The following DNAH11 variants were observed in gnomAD, a reference collection of about 807,000 sequenced individuals.
The protein encoded by DNAH11 is dynein axonemal heavy chain 11.
Under a neutral mutation model 526.0 loss-of-function variants are expected in DNAH11, and 442 were observed. The observed-to-expected ratio is 0.84, with a 90% CI of 0.78 to 0.91. The LOEUF is 0.91. DNAH11 is among the 40% of genes least tolerant of loss of function. The pLI is 0.00. For synonymous variants in DNAH11, 2,461 were observed against 1,935.9 expected (o/e 1.27, Z -7.12); for missense variants, 6,989 against 5,448.7 (o/e 1.28, Z -8.90).
intron 44 of DNAH11, among the ~76,000 whole-genome samples, chr7:21,722,978 C>A (rs563874548): frequency 1.3e-5 from 2 of 152,286 alleles, no homozygotes; most frequent in East Asian, 3.9e-4. Context: ...GCCTTACCCC[C>A]TAGTTATATA....
intron 8 of DNAH11, among the ~76,000 whole-genome samples, chr7:21,578,975 A>AT (rs1349286401): frequency 6.6e-6 from 1 of 152,252 alleles, no homozygotes; most frequent in East Asian, 1.9e-4. Context: ...AATCTTGCTC[A>AT]TTTTCTCACA....
intron 54 of DNAH11, among the ~76,000 whole-genome samples, chr7:21,757,432 CT>C (rs1402432963): frequency 5.3e-5 from 8 of 151,846 alleles, no homozygotes; most frequent in Non-Finnish European, 1.2e-4. Flanking sequence ...CTTTTACCTT[CT>C]TTCTTCATCT....
At chr7:21,866,092 G>A (rs113522894) in intron 70 of DNAH11, among the ~76,000 whole-genome samples, 17,234 of 152,042 alleles carry the variant, frequency 0.11, 1,798 homozygotes, top group African/African-American at 0.27. Flanking sequence ...GACTTAGAAT[G>A]CCTTAACCTC....
rs538647052 is a variant in DNAH11 at position 21,558,813 on chromosome 7, A to C, written c.507A>C (p.Pro169=). 1 of 1,581,102 alleles carries C rather than the reference A, an allele frequency of 6.3e-7. No individual in the cohort carries two copies. The highest frequency in any genetic ancestry group is 1.4e-5 in the African/African-American group (1 of 73,302). Residue 169 remains proline, a synonymous_variant, in exon 3 of 82, where the codon CCA becomes CCC. Transcript: ENST00000409508. Reference sequence around the variant, plus strand: ...TTCTCTTTCTCTAGATTTTAGTGCCAGTTCTTTCTAATAAGAACAACCATA... The same window carrying C: ...TTCTCTTTCTCTAGATTTTAGTGCCCGTTCTTTCTAATAAGAACAACCATA... The part of the protein sequence containing the change: ...VSAFLDEILV[P]VLSNKNNHKS...
chr7:21,823,329 T>G (rs1790136086), intron 65 of DNAH11, among the ~76,000 whole-genome samples: 1 of 152,170 alleles, frequency 6.6e-6, no homozygotes, highest in South Asian at 2.1e-4. Flanking sequence ...TTTTGGAAAC[T>G]ATGTTTTTCA....
intron 70 of DNAH11, among the ~76,000 whole-genome samples, chr7:21,864,963 TAAAATTTGTTTTCTTTTTAAATTTCCTTA>T (rs972273021): frequency 1.3e-5 from 2 of 152,230 alleles, no homozygotes; most frequent in Admixed American, 1.3e-4. Flanking sequence ...TCCTTAAATC[TAAAATTTGTTTTCTTTTTAAATTTCCTTA>T]AAAATTTGTT....
At chr7:21,900,257 C>CTT in intron 81 of DNAH11, 137 bp downstream of exon 81, 3 of 1,034,632 alleles carry the variant, frequency 2.9e-6, no homozygotes, top group Non-Finnish European at 3.9e-6. Flanking sequence ...ATTTCTTCCT[C>CTT]TTAAATAATT....
In DNAH11 at chr7:21,687,518, G is replaced by T; in HGVS notation, c.5915G>T (p.Arg1972Met). 6.2e-7 allele frequency: 1 copy of T among 1,613,196 alleles called. No homozygotes were observed. Residue 1972 changes from arginine to methionine, a missense_variant, in exon 34 of 82, where the codon AGG becomes ATG. Transcript: ENST00000409508. ...ATGATTCATGATGCCATCAGAAACA[G>T]GAAGAAGAGGTGAGTGGCATGCAGG... is the stretch of plus-strand genomic sequence containing the variant. ...VKMIHDAIRN[R>M]KKRFVFLGEA...
intron 54 of DNAH11, among the ~76,000 whole-genome samples, chr7:21,751,183 G>T (rs886928466): frequency 5.3e-5 from 8 of 152,064 alleles, no homozygotes; most frequent in Non-Finnish European, 8.8e-5. Flanking sequence ...AATTAGCCAG[G>T]CTTGGTGGCA....
intron 51 of DNAH11, among the ~76,000 whole-genome samples, chr7:21,747,998 T>C (rs1018623451): frequency 1.3e-5 from 2 of 152,230 alleles, no homozygotes; most frequent in African/African-American, 2.4e-5. Context: ...TTTGGACTTT[T>C]GGTGGTGACA....
Position 21,711,861 on chromosome 7 carries a change from G to A in DNAH11, c.6983+1G>A, listed in dbSNP as rs771953930. The A allele has an allele frequency of 1.6e-5, 26 of 1,606,862 alleles. No individual in the cohort carries two copies. The highest frequency in any genetic ancestry group is 4.5e-5 in the East Asian group (2 of 44,656). ...ACCCACAAGATCTGGGCTGGAATCCGTGAGTATTTCTTTTTGTTTTATTGT... is the reference window on the plus strand; with the variant it reads ...ACCCACAAGATCTGGGCTGGAATCCATGAGTATTTCTTTTTGTTTTATTGT... On this transcript the variant is annotated splice_donor_variant, in intron 42 of 81. Transcript: ENST00000409508. LOFTEE classifies it high-confidence loss of function.
At position 21,619,172 on chromosome 7, in the gene DNAH11, G is replaced by A. The variant is rs1459179955; in HGVS notation, c.4327G>A (p.Asp1443Asn). The change falls in exon 24 of 82, where the codon GAT becomes AAT. Residue 1443 changes from aspartate (D) to asparagine (N), a missense_variant. Physicochemically the swap from Asp to Asn is conservative, Grantham distance 23 (BLOSUM62 1). Transcript: ENST00000409508. ...ACTGCGGTTACACAGAGTGGAAGAT[G>A]ATGTCCGAAGGATTGTGGACAAGGC... The part of the protein sequence containing the change: ...LALRLHRVED[D>N]VRRIVDKAVK... The A allele has an allele frequency of 4.3e-6, 7 of 1,613,546 alleles. No individual in the cohort carries two copies. The East Asian group carries it at 1.6e-4, about 36-fold the overall frequency.
rs755689080 is a variant in DNAH11, at chr7:21,899,318, C to A, written c.13050-18C>A. On this transcript the variant is annotated intron_variant, in intron 79 of 81. Transcript: ENST00000409508. The stretch of plus-strand genomic sequence containing the variant: ...TTTACTGAACAGCAAGTTTTTCTTC[C>A]TCCCTCCCATAAACCAGGTTCAATG... 6.2e-6 allele frequency: 10 copies of A among 1,604,934 alleles called. No homozygotes were observed. Among genetic ancestry groups the A allele is most frequent in the Non-Finnish European group, 7.7e-6 (9 of 1,171,802 alleles).
chr7:21,653,040 C>T (rs1291925197), intron 28 of DNAH11, among the ~76,000 whole-genome samples: 1 of 152,038 alleles, frequency 6.6e-6, no homozygotes, highest in Admixed American at 6.6e-5. Flanking sequence ...CCATGCCCAG[C>T]TAATTTTGTA....
chr7:21,589,121 A>G, intron 11 of DNAH11, 87 bp from the exon 12 acceptor site: 1 of 1,024,128 alleles, frequency 9.8e-7, no homozygotes, highest in Non-Finnish European at 1.4e-6. Context: ...AGTGTATTAT[A>G]TTTTATATAT....
At chr7:21,751,620 A>T (rs928314748) in intron 54 of DNAH11, among the ~76,000 whole-genome samples, 1 of 152,176 alleles carries the variant, frequency 6.6e-6, no homozygotes, top group Non-Finnish European at 1.5e-5. Context: ...TGCGGCGGCT[A>T]TAGAGCTGGA....
intron 26 of DNAH11, 92 bp downstream of exon 26, chr7:21,636,187 TGC>T: frequency 8.8e-7 from 1 of 1,131,828 alleles, no homozygotes; most frequent in Non-Finnish European, 1.2e-6. Flanking sequence ...AATGCATTTT[TGC>T]ATGAGTAAGC....
At chr7:21,705,393 A>G (rs891489034) in intron 38 of DNAH11, 67 bp from the exon 39 acceptor site, 3 of 1,558,654 alleles carry the variant, frequency 1.9e-6, no homozygotes, top group African/African-American at 2.7e-5. Flanking sequence ...ATTGGGCAAA[A>G]ATGGTAGATT....
At chr7:21,744,628 C>G in intron 50 of DNAH11, 29 bp downstream of exon 50, 1 of 1,609,150 alleles carries the variant, frequency 6.2e-7, no homozygotes, top group Non-Finnish European at 8.5e-7. Context: ...GAGGTCACTA[C>G]TTACTCCAAC....
Sources: allele counts gnomAD v4.1 joint callset (sites outside exome capture counted in the v4.1 genomes callset), GRCh38; gene constraint gnomAD v4.1.1; transcripts MANE v1.5; gene names NCBI Gene and HGNC (gene_info 2026-07-23, HGNC 2026-07-21).